UBA3: variants seen among roughly 807,000 people sequenced by gnomAD.
UBA3 encodes the protein ubiquitin like modifier activating enzyme 3.
In UBA3, 26 loss-of-function variants were observed where a neutral mutation model predicts 73.5. The ratio of observed to expected loss-of-function variants is 0.35; its 90% CI spans 0.26 to 0.49. The LOEUF is 0.49. UBA3 is among the 20% of genes least tolerant of loss of function. The pLI is 0.98. For missense variants in UBA3, 495 were observed against 555.6 expected (o/e 0.89, Z 1.10); for synonymous variants, 217 against 191.2 (o/e 1.13, Z -1.11).
At chr3:69,077,565 G>T in intron 3 of UBA3, 1 of 397,734 alleles carries the variant, frequency 2.5e-6, no homozygotes, top group Non-Finnish European at 4.5e-6. Context: ...AGGTCATGAA[G>T]TTAGATTTTT....
At chr3:69,069,373 G>A (rs1033133711) in intron 5 of UBA3, among the ~76,000 whole-genome samples, 8 of 151,830 alleles carry the variant, frequency 5.3e-5, no homozygotes, top group African/African-American at 1.7e-4. Flanking sequence ...TGTCACCCAC[G>A]CTGGAGTGCA....
At chr3:69,065,774 T>C (rs2092065083) in intron 6 of UBA3, among the ~76,000 whole-genome samples, 1 of 152,104 alleles carries the variant, frequency 6.6e-6, no homozygotes, top group Admixed American at 6.5e-5. Context: ...AAGAGTATTA[T>C]ATAAACAGAA....
chr3:69,062,169 G>T lies in UBA3; in HGVS notation c.704C>A (p.Pro235His). The T allele has an allele frequency of 6.2e-7, 1 of 1,609,562 alleles. No individual in the cohort carries two copies. Among genetic ancestry groups the T allele is most frequent in the Admixed American group, 1.7e-5 (1 of 59,440 alleles). ...GGGCATAGATGCAATGGTGCACATG[G>T]GAAAATTAACCTAAAACCACAGTTT... ...LELYPPQVNF[P>H]MCTIASMPRL... is the part of the protein sequence containing the mutation. The change falls in exon 10 of 18, where the codon CCC becomes CAC. Residue 235 changes from proline to histidine, a missense_variant. Transcript: ENST00000361055.
chr3:69,055,125 T>C lies in UBA3; in HGVS notation c.*312A>G, dbSNP rs1197598758. ...GGGTACTCAAATGAAAACTTAGGAA[T>C]GCATTCTTTGACCATAATAACAAAA... On this transcript the variant is annotated 3_prime_UTR_variant, in exon 18 of 18. Transcript: ENST00000361055. 5.3e-6 allele frequency: 1 copy of C among 189,702 alleles called. No individual in the cohort carries two copies. The highest frequency in any genetic ancestry group is 2.3e-5 in the African/African-American group (1 of 42,948). The allele number at this position is 189,702 out of a possible 1,614,324, so 11.8% of individuals were successfully genotyped here. A position where few individuals can be genotyped will look rare whatever the true frequency, so the allele number is the denominator to read the frequency against.
In UBA3 at chr3:69,055,426, G is replaced by T; in HGVS notation, c.*11C>A. On this transcript the variant is annotated 3_prime_UTR_variant, in exon 18 of 18. Coordinates refer to ENST00000361055, the MANE Select transcript of UBA3 (RefSeq NM_003968.4). Reference sequence around the variant, plus strand: ...TATTTCCATGAGTTTTCTATTATGTGGAGATTTTCCTTAAGAAGTAAAATG... The same window carrying T: ...TATTTCCATGAGTTTTCTATTATGTTGAGATTTTCCTTAAGAAGTAAAATG... 2 of 1,472,122 alleles carry T rather than the reference G, an allele frequency of 1.4e-6. No homozygotes were observed. Among genetic ancestry groups the T allele is most frequent in the Non-Finnish European group, 1.8e-6 (2 of 1,111,974 alleles). 91.2% of individuals were successfully genotyped at this position (1,472,122 alleles called of 1,614,324 possible).
chr3:69,065,837 T>G (rs1285082609), intron 6 of UBA3, among the ~76,000 whole-genome samples: 2 of 152,208 alleles, frequency 1.3e-5, no homozygotes, highest in African/African-American at 4.8e-5. Flanking sequence ...GTCTAATAGT[T>G]GTGTAACAGT....
chr3:69,080,215 G>T, intron 1 of UBA3, 62 bp from the exon 2 acceptor site: 2 of 1,539,876 alleles, frequency 1.3e-6, no homozygotes, highest in Non-Finnish European at 8.8e-7. Flanking sequence ...GCGAGGGGAG[G>T]GGGGCGAGGG....
rs1303163000 is a variant in UBA3, at chr3:69,055,916, A to G, written c.1249-11T>C. Reference sequence around the variant, plus strand: ...AATAGAGGTTACCGACTAGAAAACAAAATTACTTTAATGTAAGACACATTA... The same window carrying G: ...AATAGAGGTTACCGACTAGAAAACAGAATTACTTTAATGTAAGACACATTA... On this transcript the variant is annotated splice_polypyrimidine_tract_variant and intron_variant, in intron 16 of 17. Coordinates refer to ENST00000361055, the MANE Select transcript of UBA3 (RefSeq NM_003968.4). The G allele has an allele frequency of 3.7e-6, 6 of 1,610,582 alleles. No individual in the cohort carries two copies. The East Asian group carries it at 1.1e-4, about 30-fold the overall frequency.
intron 9 of UBA3, among the ~76,000 whole-genome samples, 199 bp from the exon 10 acceptor site, chr3:69,062,378 G>A (rs1439252536): frequency 2.0e-5 from 3 of 152,172 alleles, no homozygotes; most frequent in Non-Finnish European, 4.4e-5. Context: ...GTAAAGACAG[G>A]TTTGCCCTAC....
At chr3:69,066,023 T>C (rs996586619) in intron 6 of UBA3, among the ~76,000 whole-genome samples, 1 of 152,222 alleles carries the variant, frequency 6.6e-6, no homozygotes, top group Non-Finnish European at 1.5e-5. Flanking sequence ...CTCCATCAGA[T>C]GCTTTACAAG....
intron 2 of UBA3, chr3:69,079,847 G>A: frequency 4.2e-6 from 2 of 481,332 alleles, no homozygotes; most frequent in Non-Finnish European, 7.3e-6. Flanking sequence ...CCTTCCTCAA[G>A]ACCTTTACGT....
chr3:69,057,449 G>T, intron 11 of UBA3, 140 bp from the exon 12 acceptor site: 1 of 728,704 alleles, frequency 1.4e-6, no homozygotes, highest in Admixed American at 3.0e-5. Flanking sequence ...ATTTAACCAT[G>T]AAACAATCTT....
chr3:69,078,020 C>T, intron 2 of UBA3, 102 bp from the exon 3 acceptor site: 1 of 1,387,154 alleles, frequency 7.2e-7, no homozygotes. Context: ...CACACCAGAC[C>T]TGCTCAAATA....
chr3:69,059,699 A>G (rs1011250133), intron 11 of UBA3, among the ~76,000 whole-genome samples: 1 of 152,186 alleles, frequency 6.6e-6, no homozygotes, highest in East Asian at 1.9e-4. Context: ...TTTTAAAATG[A>G]CATTACTAGA....
At position 69,055,923 on chromosome 3, in the gene UBA3, T is replaced by G. The variant is rs776117198; in HGVS notation, c.1249-18A>C. 60 of 1,609,534 alleles carry G rather than the reference T, an allele frequency of 3.7e-5. No individual in the cohort carries two copies. The highest frequency in any genetic ancestry group is 5.1e-5 in the Non-Finnish European group (60 of 1,177,988). Reference sequence around the variant, plus strand: ...GTTACCGACTAGAAAACAAAATTACTTTAATGTAAGACACATTAAAGTAAA... The same window carrying G: ...GTTACCGACTAGAAAACAAAATTACGTTAATGTAAGACACATTAAAGTAAA... On this transcript the variant is annotated intron_variant, in intron 16 of 17. Coordinates refer to ENST00000361055, the MANE Select transcript of UBA3 (RefSeq NM_003968.4).
chr3:69,058,490 G>C (rs2107481533), intron 11 of UBA3, among the ~76,000 whole-genome samples: 1 of 152,304 alleles, frequency 6.6e-6, no homozygotes, highest in East Asian at 1.9e-4. Context: ...AGGCTGGAAA[G>C]CTTTTTTAAA....
chr3:69,073,460 C>T (rs1317093904), intron 4 of UBA3, among the ~76,000 whole-genome samples: 1 of 152,080 alleles, frequency 6.6e-6, no homozygotes, highest in African/African-American at 2.4e-5. Context: ...AAACCTTTTC[C>T]CTTCACACCA....
intron 6 of UBA3, among the ~76,000 whole-genome samples, chr3:69,066,901 A>G (rs2092076393): frequency 6.6e-6 from 1 of 152,190 alleles, no homozygotes. Context: ...CAAATTGGCC[A>G]TACTTATATG....
chr3:69,075,814 C>T (rs1033024718), intron 3 of UBA3, among the ~76,000 whole-genome samples: 1 of 152,086 alleles, frequency 6.6e-6, no homozygotes, highest in Non-Finnish European at 1.5e-5. Flanking sequence ...TCACTGCAAC[C>T]TCCGCCTCCC....
Sources: gnomAD v4.1 joint callset for allele counts (sites outside exome capture counted in the v4.1 genomes callset) on GRCh38, gnomAD v4.1.1 for gene constraint, MANE v1.5 for transcripts, NCBI Gene and HGNC (gene_info 2026-07-23, HGNC 2026-07-21) for gene names.